Variants in PTPRD observed in about 807,000 individuals in gnomAD.
PTPRD encodes the protein receptor-type tyrosine-protein phosphatase delta.
In PTPRD, 34 loss-of-function variants were observed where a neutral mutation model predicts 214.5. The observed-to-expected ratio is 0.16, with a 90% CI of 0.12 to 0.21. PTPRD has a LOEUF of 0.21. PTPRD is among the 10% of genes least tolerant of loss of function. The pLI is 1.00. For missense variants in PTPRD, 2,545 were observed against 2,398.7 expected (o/e 1.06, Z -1.27); for synonymous variants, 1,128 against 845.7 (o/e 1.33, Z -5.79).
chr9:10,322,860 T>C (rs1295428168), intron 3 of PTPRD, among the ~76,000 whole-genome samples: 3 of 151,996 alleles, frequency 2.0e-5, no homozygotes, highest in Admixed American at 6.5e-5. Context: ...GGACTCCTCA[T>C]CTGGGAACAG....
intron 7 of PTPRD, among the ~76,000 whole-genome samples, chr9:9,587,417 A>T (rs2092170192): frequency 6.6e-6 from 1 of 152,072 alleles, no homozygotes; most frequent in African/African-American, 2.4e-5. Context: ...CTACTTGCCC[A>T]TGGGCATAGA....
At chr9:8,657,266 C>T (rs923005363) in intron 12 of PTPRD, among the ~76,000 whole-genome samples, 1 of 149,628 alleles carries the variant, frequency 6.7e-6, no homozygotes, top group African/African-American at 2.5e-5. Context: ...CTCCCGGGTT[C>T]AAGTGATTCT....
intron 7 of PTPRD, among the ~76,000 whole-genome samples, chr9:9,704,344 A>G (rs2097558520): frequency 6.6e-6 from 1 of 152,132 alleles, no homozygotes; most frequent in African/African-American, 2.4e-5. Flanking sequence ...CATAGTTAGT[A>G]AAATTATATC....
intron 4 of PTPRD, among the ~76,000 whole-genome samples, chr9:9,946,069 A>ACCCT: frequency 6.6e-6 from 1 of 152,158 alleles, no homozygotes. Flanking sequence ...TGGGAAAGTC[A>ACCCT]TCCTTCACTT....
At chr9:10,146,187 A>T (rs570155258) in intron 3 of PTPRD, among the ~76,000 whole-genome samples, 14 of 150,690 alleles carry the variant, frequency 9.3e-5, no homozygotes, top group Middle Eastern at 3.5e-3. Flanking sequence ...CTATACAGTG[A>T]TCTATGCACA....
intron 3 of PTPRD, among the ~76,000 whole-genome samples, chr9:10,337,844 C>T (rs960632995): frequency 5.3e-5 from 8 of 151,618 alleles, no homozygotes; most frequent in South Asian, 2.1e-4. Context: ...CAATTTTACC[C>T]GTATAACATT....
At chr9:10,523,290 G>A (rs1408092748) in intron 2 of PTPRD, among the ~76,000 whole-genome samples, 7 of 151,822 alleles carry the variant, frequency 4.6e-5, no homozygotes, top group African/African-American at 1.7e-4. Flanking sequence ...ATAGTACCAC[G>A]TATAATCAAC....
At chr9:10,569,992 C>G (rs1385398331) in intron 2 of PTPRD, among the ~76,000 whole-genome samples, 2 of 151,970 alleles carry the variant, frequency 1.3e-5, no homozygotes, top group East Asian at 3.9e-4. Flanking sequence ...CAACCTTAAC[C>G]TATTACTTAT....
intron 11 of PTPRD, among the ~76,000 whole-genome samples, chr9:8,829,685 C>A (rs190420323): frequency 6.6e-6 from 1 of 152,108 alleles, no homozygotes; most frequent in Non-Finnish European, 1.5e-5. Flanking sequence ...GAAGATAGTA[C>A]ACATTAATGC....
At chr9:10,229,793 G>A (rs1392297270) in intron 3 of PTPRD, among the ~76,000 whole-genome samples, 11 of 151,546 alleles carry the variant, frequency 7.3e-5, no homozygotes, top group African/African-American at 2.7e-4. Flanking sequence ...CATAGCACAC[G>A]TATACATATG....
chr9:8,356,417 T>C (rs931945536), intron 39 of PTPRD, among the ~76,000 whole-genome samples: 4 of 152,228 alleles, frequency 2.6e-5, no homozygotes, highest in Non-Finnish European at 4.4e-5. Flanking sequence ...AAAGTTTTCA[T>C]GCTGATTACA....
chr9:9,553,561 C>G (rs916284503), intron 8 of PTPRD, among the ~76,000 whole-genome samples: 14 of 151,906 alleles, frequency 9.2e-5, no homozygotes, highest in Admixed American at 3.3e-4. Context: ...CATGCTCTTT[C>G]TACAGTGTTT....
intron 11 of PTPRD, among the ~76,000 whole-genome samples, chr9:8,804,206 G>A (rs904843788): frequency 3.3e-5 from 5 of 152,092 alleles, no homozygotes; most frequent in African/African-American, 1.2e-4. Flanking sequence ...ATCCGCCTCA[G>A]CCTCCCAAAG....
At chr9:9,775,528 G>C (rs942433840) in intron 5 of PTPRD, among the ~76,000 whole-genome samples, 1 of 152,198 alleles carries the variant, frequency 6.6e-6, no homozygotes, top group African/African-American at 2.4e-5. Context: ...CTTCTGGAGA[G>C]AAGAGTAGTA....
At chr9:10,308,377 C>G (rs1225376265) in intron 3 of PTPRD, among the ~76,000 whole-genome samples, 2 of 151,910 alleles carry the variant, frequency 1.3e-5, no homozygotes, top group Non-Finnish European at 2.9e-5. Context: ...GCTATAAATA[C>G]ATAAATTTAA....
At chr9:10,199,911 G>A (rs7868989) in intron 3 of PTPRD, among the ~76,000 whole-genome samples, 26,145 of 82,686 alleles carry the variant, frequency 0.32, 2,828 homozygotes, top group African/African-American at 0.57. Flanking sequence ...GCGCACACAC[G>A]CACACACACA....
chr9:9,375,208 A>C (rs920302113), intron 9 of PTPRD, among the ~76,000 whole-genome samples: 1 of 152,214 alleles, frequency 6.6e-6, no homozygotes, highest in Non-Finnish European at 1.5e-5. Context: ...TGTTCACAGC[A>C]GCATTATTCA....
intron 10 of PTPRD, among the ~76,000 whole-genome samples, chr9:9,172,157 G>C (rs1413494515): frequency 6.6e-6 from 1 of 152,140 alleles, no homozygotes; most frequent in East Asian, 1.9e-4. Flanking sequence ...TTTTGGAAAA[G>C]ATACAAATAT....
intron 11 of PTPRD, among the ~76,000 whole-genome samples, chr9:8,941,408 T>C (rs2099033100): frequency 6.6e-6 from 1 of 152,110 alleles, no homozygotes; most frequent in Non-Finnish European, 1.5e-5. Flanking sequence ...TTTTATAACA[T>C]ATGTGTGTGT....
Sources: allele counts gnomAD v4.1 joint callset (sites outside exome capture counted in the v4.1 genomes callset), GRCh38; gene constraint gnomAD v4.1.1; transcripts MANE v1.5; gene names NCBI Gene and HGNC (gene_info 2026-07-23, HGNC 2026-07-21).